Variants in MYO16 observed in about 807,000 individuals in gnomAD.
The protein encoded by MYO16 is unconventional myosin-XVI.
MYO16 carries 94 observed loss-of-function variants against 205.3 expected under a neutral mutation model. That is an observed-to-expected ratio of 0.46 (90% CI 0.39 to 0.54). The LOEUF (loss-of-function observed/expected upper bound fraction) is 0.54. MYO16 is among the 20% of genes least tolerant of loss of function. MYO16 has a pLI of 0.00. For synonymous variants in MYO16, 988 were observed against 954.0 expected, an observed-to-expected ratio of 1.04 and a Z score of -0.66; for missense variants, 2,315 against 2,387.5, an observed-to-expected ratio of 0.97 and a Z score of 0.63.
chr13:108,755,235 G>A (rs762541492), intron 4 of MYO16, among the ~76,000 whole-genome samples: 9 of 149,634 alleles, frequency 6.0e-5, no homozygotes, highest in Non-Finnish European at 1.0e-4. Flanking sequence ...CAGAGAATAT[G>A]TGAGAGATTG....
chr13:108,708,718 G>GTA (rs1207400211), intron 2 of MYO16, among the ~76,000 whole-genome samples: 1 of 152,184 alleles, frequency 6.6e-6, no homozygotes, highest in Non-Finnish European at 1.5e-5. Flanking sequence ...GTGAGAGGAG[G>GTA]TATAGATTGC....
chr13:108,885,843 G>A (rs1247179692), intron 13 of MYO16, among the ~76,000 whole-genome samples: 2 of 152,136 alleles, frequency 1.3e-5, no homozygotes, highest in Non-Finnish European at 2.9e-5. Context: ...TTGGGAGTCC[G>A]CCCGGGAGAT....
intron 2 of MYO16, among the ~76,000 whole-genome samples, chr13:108,677,491 A>G: frequency 6.6e-6 from 1 of 151,400 alleles, no homozygotes; most frequent in East Asian, 1.9e-4. Context: ...ATATATATGT[A>G]TATATACTTA....
the MYO16 span, among the ~76,000 whole-genome samples, chr13:108,558,245 A>G: frequency 6.6e-6 from 1 of 152,168 alleles, no homozygotes; most frequent in Non-Finnish European, 1.5e-5. Context: ...CCTGCTTTAC[A>G]TGGAAGTCGA....
At chr13:108,970,120 A>G (rs1401696237) in intron 20 of MYO16, among the ~76,000 whole-genome samples, 1 of 152,220 alleles carries the variant, frequency 6.6e-6, no homozygotes, top group Non-Finnish European at 1.5e-5. Context: ...ATTATGGATA[A>G]TATTATGGTG....
rs182775931 is a variant in MYO16 at position 108,672,295 on chromosome 13, G to T, written c.292+6146G>T. ...GCTATTGAAATAGTCAAATGCACTT[G>T]TTTATGCAATTGAGAAAGTAAAAAA... On this transcript the variant is annotated intron_variant, in intron 2 of 34. Coordinates refer to ENST00000457511, the MANE Select transcript of MYO16 (RefSeq NM_001198950.3). Among the ~76,000 whole-genome samples, 505 of 152,072 alleles carry T rather than the reference G, an allele frequency of 3.3e-3. 4 individuals are homozygous for T. The highest frequency in any genetic ancestry group is 0.012 in the African/African-American group (492 of 41,506).
At chr13:109,012,114 G>T (rs1312885553) in intron 22 of MYO16, among the ~76,000 whole-genome samples, 1 of 152,140 alleles carries the variant, frequency 6.6e-6, no homozygotes, top group Admixed American at 6.5e-5. Context: ...ATTGTGAAAG[G>T]TAGATTTGAA....
At chr13:108,902,347 C>G (rs1880752035) in intron 15 of MYO16, among the ~76,000 whole-genome samples, 1 of 152,194 alleles carries the variant, frequency 6.6e-6, no homozygotes, top group Non-Finnish European at 1.5e-5. Flanking sequence ...TGAAAGCACT[C>G]TTTTAGCTGT....
intron 6 of MYO16, among the ~76,000 whole-genome samples, chr13:108,795,422 C>A (rs192289109): frequency 1.6e-3 from 250 of 152,136 alleles, no homozygotes; most frequent in African/African-American, 4.5e-3. Flanking sequence ...GTTAGCCAGG[C>A]TGGTCTCGAT....
At chr13:109,094,491 G>C (rs139332990) in intron 27 of MYO16, among the ~76,000 whole-genome samples, 5 of 152,186 alleles carry the variant, frequency 3.3e-5, no homozygotes, top group Admixed American at 3.3e-4. Context: ...GACAACAGGC[G>C]TGAGCCACTG....
At chr13:109,115,042 A>C (rs1485400277) in intron 28 of MYO16, among the ~76,000 whole-genome samples, 1 of 152,118 alleles carries the variant, frequency 6.6e-6, no homozygotes, top group African/African-American at 2.4e-5. Flanking sequence ...TCAAAGGATA[A>C]TAGCTATATT....
chr13:108,559,246 C>T, the MYO16 span, among the ~76,000 whole-genome samples: 17 of 152,070 alleles, frequency 1.1e-4, no homozygotes, highest in African/African-American at 3.6e-4. Flanking sequence ...GAGCACTCTG[C>T]GTGACCACAG....
the MYO16 span, among the ~76,000 whole-genome samples, chr13:108,522,466 T>C: frequency 2.0e-5 from 3 of 152,178 alleles, no homozygotes; most frequent in African/African-American, 7.2e-5. Flanking sequence ...GTGTATAATC[T>C]TCCTAGGGCT....
intron 6 of MYO16, 60 bp from the exon 7 acceptor site, chr13:108,806,619 T>G (rs1887121196): frequency 6.7e-7 from 1 of 1,493,896 alleles, no homozygotes; most frequent in South Asian, 1.2e-5. Context: ...AACCACTGAG[T>G]GAACTGCATG....
the MYO16 span, among the ~76,000 whole-genome samples, chr13:108,499,393 C>G: frequency 7.5e-4 from 114 of 152,296 alleles, no homozygotes; most frequent in African/African-American, 2.6e-3. Flanking sequence ...CTGGCCTGTT[C>G]CAGGCCTGCG....
the MYO16 span, among the ~76,000 whole-genome samples, chr13:108,503,067 G>A: frequency 6.6e-6 from 1 of 152,114 alleles, no homozygotes; most frequent in Non-Finnish European, 1.5e-5. Flanking sequence ...TCTAAGGAAG[G>A]GAGTTTGCTA....
intron 9 of MYO16, among the ~76,000 whole-genome samples, chr13:108,841,661 A>G (rs1877250365): frequency 6.6e-6 from 1 of 151,808 alleles, no homozygotes; most frequent in African/African-American, 2.4e-5. Context: ...ATATAAAGTC[A>G]ATAATCTGAA....
chr13:109,155,781 T>G (rs1877981031), intron 32 of MYO16, among the ~76,000 whole-genome samples: 2 of 152,190 alleles, frequency 1.3e-5, no homozygotes, highest in African/African-American at 4.8e-5. Flanking sequence ...CTCCATGAGT[T>G]TAACACATTT....
At chr13:109,002,919 G>A (rs542538971) in intron 21 of MYO16, among the ~76,000 whole-genome samples, 15 of 152,072 alleles carry the variant, frequency 9.9e-5, no homozygotes, top group Non-Finnish European at 2.1e-4. Context: ...TTTCAATGAG[G>A]TATCCGATAT....
Sources: allele counts gnomAD v4.1 joint callset (sites outside exome capture counted in the v4.1 genomes callset), GRCh38; gene constraint gnomAD v4.1.1; transcripts MANE v1.5; gene names NCBI Gene and HGNC (gene_info 2026-07-23, HGNC 2026-07-21).